RFX8: variants seen among roughly 807,000 people sequenced by gnomAD.
RFX8 encodes the protein regulatory factor X8, also known as DNA-binding protein RFX8.
RFX8 carries 46 observed loss-of-function variants against 54.6 expected under a neutral mutation model. The ratio of observed to expected loss-of-function variants is 0.84; its 90% CI spans 0.67 to 1.08. The LOEUF (loss-of-function observed/expected upper bound fraction) is 1.08. Ranked by LOEUF, RFX8 falls within the 50% of genes least tolerant of loss-of-function variation. The pLI is 0.00. For missense variants in RFX8, 536 were observed against 562.3 expected (o/e 0.95, Z 0.47); for synonymous variants, 192 against 209.5 (o/e 0.92, Z 0.72).
chr2:101,408,486 A>C (rs1685890714), intron 9 of RFX8, among the ~76,000 whole-genome samples: 2 of 151,668 alleles, frequency 1.3e-5, no homozygotes, highest in South Asian at 4.2e-4. Context: ...CCGTCTCAAA[A>C]AAAAAAAACA....
intron 2 of RFX8, among the ~76,000 whole-genome samples, chr2:101,455,201 C>CG (rs1467322237): frequency 6.6e-6 from 1 of 151,882 alleles, no homozygotes; most frequent in South Asian, 2.1e-4. Context: ...TTAGTAGAGA[C>CG]GGGGTTTCAC....
intron 2 of RFX8, among the ~76,000 whole-genome samples, chr2:101,464,104 G>A (rs531629482): frequency 6.6e-6 from 1 of 152,176 alleles, no homozygotes; most frequent in African/African-American, 2.4e-5. Flanking sequence ...TCGCCATGTG[G>A]TTACTTCTCC....
At chr2:101,457,414 C>T (rs1159926286) in intron 2 of RFX8, among the ~76,000 whole-genome samples, 1 of 152,150 alleles carries the variant, frequency 6.6e-6, no homozygotes, top group Non-Finnish European at 1.5e-5. Context: ...TGTCTTTGTT[C>T]TCATTGGTTT....
intron 9 of RFX8, among the ~76,000 whole-genome samples, chr2:101,408,024 C>T (rs1304954006): frequency 1.3e-5 from 2 of 152,238 alleles, no homozygotes; most frequent in Admixed American, 1.3e-4. Flanking sequence ...TTTACAAAAA[C>T]AAGTCCTTCA....
At chr2:101,466,637 T>C in intron 2 of RFX8, 140 bp downstream of exon 2, 1 of 707,944 alleles carries the variant, frequency 1.4e-6, no homozygotes, top group South Asian at 1.5e-5. Flanking sequence ...CTGAAGGATG[T>C]TGACCAGCTG....
At chr2:101,472,317 G>A (rs1049631726) in intron 1 of RFX8, among the ~76,000 whole-genome samples, 2 of 152,128 alleles carry the variant, frequency 1.3e-5, no homozygotes, top group Non-Finnish European at 2.9e-5. Context: ...AGCCAGGCTG[G>A]TCTCAAACTC....
intron 4 of RFX8, 56 bp downstream of exon 4, chr2:101,421,668 T>C: frequency 6.6e-7 from 1 of 1,523,808 alleles, no homozygotes; most frequent in Non-Finnish European, 8.8e-7. Flanking sequence ...TAAGGAGTCA[T>C]AAATGCTTGT....
intron 1 of RFX8, among the ~76,000 whole-genome samples, chr2:101,469,017 G>GGTATATATATATACGTATATATAT (rs1573497143): frequency 4.4e-4 from 9 of 20,564 alleles, no homozygotes; most frequent in South Asian, 3.7e-3. Flanking sequence ...TATATATATA[G>GGTATATATATATACGTATATATAT]GTATATATAT....
chr2:101,472,784 G>A (rs1394928813), intron 1 of RFX8, among the ~76,000 whole-genome samples: 5 of 152,144 alleles, frequency 3.3e-5, no homozygotes, highest in African/African-American at 7.2e-5. Context: ...TTGGGAGGCC[G>A]AGGGAAGTGG....
chr2:101,423,466 CT>C (rs1394766224), intron 2 of RFX8, among the ~76,000 whole-genome samples: 1 of 152,066 alleles, frequency 6.6e-6, no homozygotes, highest in African/African-American at 2.4e-5. Flanking sequence ...TTGTCATAGA[CT>C]GCTTTTGAAT....
chr2:101,428,354 G>A (rs1407097965), intron 2 of RFX8, among the ~76,000 whole-genome samples: 1 of 152,172 alleles, frequency 6.6e-6, no homozygotes, highest in Non-Finnish European at 1.5e-5. Flanking sequence ...TGAGATTAGT[G>A]CTTGCTCCCT....
intron 2 of RFX8, among the ~76,000 whole-genome samples, chr2:101,439,323 C>T (rs1232165653): frequency 6.6e-6 from 1 of 151,946 alleles, no homozygotes; most frequent in Non-Finnish European, 1.5e-5. Context: ...TGTTTTCTTC[C>T]CATTTGTAGC....
At chr2:101,451,299 CGCAATTTAAAACAA>C (rs1031560735) in intron 2 of RFX8, among the ~76,000 whole-genome samples, 7 of 152,248 alleles carry the variant, frequency 4.6e-5, no homozygotes, top group African/African-American at 1.4e-4. Flanking sequence ...GATTTCCCCT[CGCAATTTAAAACAA>C]GCAACAAATA....
At chr2:101,423,802 A>G (rs1044872206) in intron 2 of RFX8, among the ~76,000 whole-genome samples, 5 of 152,130 alleles carry the variant, frequency 3.3e-5, no homozygotes, top group Non-Finnish European at 7.3e-5. Flanking sequence ...CATCCCACAC[A>G]GTGCTGCACA....
chr2:101,397,852 A>G, intron 11 of RFX8, 128 bp from the exon 12 acceptor site: 3 of 720,556 alleles, frequency 4.2e-6, no homozygotes, highest in Non-Finnish European at 6.4e-6. Flanking sequence ...GGAGAAGTTC[A>G]TGCATTTATT....
At chr2:101,453,367 G>A (rs1688805250) in intron 2 of RFX8, among the ~76,000 whole-genome samples, 1 of 152,030 alleles carries the variant, frequency 6.6e-6, no homozygotes, top group Non-Finnish European at 1.5e-5. Context: ...GCCAGGCATG[G>A]TGACTCATGC....
At chr2:101,453,547 C>A (rs1159135606) in intron 2 of RFX8, among the ~76,000 whole-genome samples, 1 of 152,066 alleles carries the variant, frequency 6.6e-6, no homozygotes, top group Non-Finnish European at 1.5e-5. Flanking sequence ...GCATCGCACT[C>A]TAGCCTAGGT....
rs770145817 is a variant in RFX8, at chr2:101,402,737, A to C, written c.944T>G (p.Phe315Cys). 6.5e-7 allele frequency: 1 copy of C among 1,546,246 alleles called. No homozygotes were observed. Among genetic ancestry groups the C allele is most frequent in the African/African-American group, 1.4e-5 (1 of 72,936 alleles). The change falls in exon 11 of 12, where the codon TTT becomes TGT. Residue 315 changes from phenylalanine to cysteine, a missense_variant. Physicochemically the swap from Phe to Cys is radical, Grantham distance 205 (BLOSUM62 -2). Transcript: ENST00000428343. ...HRDSFGSWHL[F>C]HLLLLEYMIH... ...CATATATTCCAAAAGCAACAAGTGA[A>C]ACAGATGCCAGGAGCCTACATTTAG...
At chr2:101,416,877 G>C (rs1686548835) in intron 6 of RFX8, among the ~76,000 whole-genome samples, 1 of 152,204 alleles carries the variant, frequency 6.6e-6, no homozygotes, top group African/African-American at 2.4e-5. Context: ...AGCATTCAGA[G>C]ACTGCTGCCT....
Sources: allele counts gnomAD v4.1 joint callset (sites outside exome capture counted in the v4.1 genomes callset), GRCh38; gene constraint gnomAD v4.1.1; transcripts MANE v1.5; gene names NCBI Gene and HGNC (gene_info 2026-07-23, HGNC 2026-07-21).